The following FAM107A variants were observed in gnomAD, a reference collection of about 807,000 sequenced individuals.
FAM107A encodes the protein actin-associated protein FAM107A.
FAM107A carries 19 observed loss-of-function variants against 13.7 expected under a neutral mutation model. That is an observed-to-expected ratio of 1.38 (90% CI 0.97 to 2.03). FAM107A has a LOEUF of 2.03. Among genes scored for constraint, FAM107A ranks in the 30% most tolerant of loss-of-function variants. The probability of loss-of-function intolerance (pLI) is 0.00; values close to 1 mark genes in which losing one functional copy is unlikely to be tolerated. For missense variants in FAM107A, 203 were observed against 184.4 expected, an observed-to-expected ratio of 1.10 and a Z score of -0.58; for synonymous variants, 82 against 74.5, an observed-to-expected ratio of 1.10 and a Z score of -0.52.
exon 1 of FAM107A, chr3:58,586,959 A>G (rs1250189744): frequency 2.0e-6 from 3 of 1,515,524 alleles, no homozygotes; most frequent in Non-Finnish European, 2.6e-6. Context: ...CCTACTGCAG[A>G]GCCAGCACTG....
chr3:58,590,067 A>G (rs564267004), upstream of FAM107A, among the ~76,000 whole-genome samples: 9 of 152,320 alleles, frequency 5.9e-5, no homozygotes, highest in South Asian at 1.4e-3. Context: ...CTCTAAGCCA[A>G]CATTCCCCTA....
chr3:58,577,653 C>G, upstream of FAM107A: 1 of 985,322 alleles, frequency 1.0e-6, no homozygotes, highest in Non-Finnish European at 1.2e-6. The surrounding 1 kb of genome is among the most constrained non-coding windows in gnomAD (Gnocchi z 4.9). Flanking sequence ...AAGCTTTGTT[C>G]TGAGCAAGGC....
rs2065776427 is a variant in FAM107A, at chr3:58,604,385, C to A, written c.-69-15116G>T. On this transcript the variant is annotated intron_variant, in intron 1 of 3. Coordinates refer to the FAM107A transcript ENST00000465970. The surrounding 1 kb of genome is among the most constrained non-coding windows in gnomAD (Gnocchi z 4.1). ...AGCATGTCCTGGGCTGATAACAGGT[C>A]CTGTGCCAGACAGACTCAGAATTCT... Among the ~76,000 whole-genome samples the A allele has an allele frequency of 6.6e-6, 1 of 152,060 alleles. No homozygotes were observed. The highest frequency in any genetic ancestry group is 1.5e-5 in the Non-Finnish European group (1 of 68,008).
intron 1 of FAM107A, among the ~76,000 whole-genome samples, chr3:58,571,727 G>A (rs754105108): frequency 7.2e-5 from 11 of 152,052 alleles, no homozygotes; most frequent in South Asian, 2.1e-4. Flanking sequence ...GTCAAGTGTC[G>A]CCCATCCTTT....
intron 1 of FAM107A, among the ~76,000 whole-genome samples, chr3:58,611,363 A>G (rs2065852344): frequency 6.6e-6 from 1 of 152,194 alleles, no homozygotes; most frequent in African/African-American, 2.4e-5. Flanking sequence ...CTGTATTCCC[A>G]GAGAGGGTGT....
chr3:58,603,334 T>G (rs1480844854), intron 1 of FAM107A, among the ~76,000 whole-genome samples: 1 of 152,206 alleles, frequency 6.6e-6, no homozygotes, highest in Non-Finnish European at 1.5e-5. Flanking sequence ...AGGCATTGGC[T>G]GAGTCCTTCA....
intron 1 of FAM107A, among the ~76,000 whole-genome samples, chr3:58,626,359 C>A (rs1422339947): frequency 3.3e-5 from 5 of 152,282 alleles, no homozygotes; most frequent in South Asian, 2.1e-4. Flanking sequence ...GTCTACAAAC[C>A]CCCAGCTGAG....
chr3:58,570,318 A>G, intron 1 of FAM107A: 1 of 909,636 alleles, frequency 1.1e-6, no homozygotes, highest in Non-Finnish European at 1.3e-6. Flanking sequence ...ATAAAAAGAA[A>G]GTATTACCCT....
rs2065774594 is a variant in FAM107A at position 58,604,179 on chromosome 3, G to T, written c.-69-14910C>A. On this transcript the variant is annotated intron_variant, in intron 1 of 3. Coordinates refer to the FAM107A transcript ENST00000465970. The surrounding 1 kb of genome is among the most constrained non-coding windows in gnomAD (Gnocchi z 4.1). Reference sequence around the variant, plus strand: ...AAGGTCCCTGAAGATTGTACTCTCGGTGGAGCTGGTTGCTAGGAGACATTT... The same window carrying T: ...AAGGTCCCTGAAGATTGTACTCTCGTTGGAGCTGGTTGCTAGGAGACATTT... 6.6e-6 allele frequency among the ~76,000 whole-genome samples: 1 copy of T among 150,922 alleles called. No individual in the cohort carries two copies.
chr3:58,573,258 G>T (rs1244562385), intron 1 of FAM107A, among the ~76,000 whole-genome samples: 2 of 152,334 alleles, frequency 1.3e-5, no homozygotes, highest in East Asian at 1.9e-4. Context: ...GAGGGGTGGG[G>T]TGAGGAGGGT....
At chr3:58,585,383 C>A (rs1042464982) in intron 1 of FAM107A, among the ~76,000 whole-genome samples, 2 of 152,252 alleles carry the variant, frequency 1.3e-5, no homozygotes, top group African/African-American at 4.8e-5. Flanking sequence ...AGATTTCAGA[C>A]CCTCCTTTAG....
Position 58,567,232 on chromosome 3 carries a change from C to T in FAM107A, c.303G>A (p.Leu101=), listed in dbSNP as rs1226067460. ...RLQCPFEQEL[L]RRQQRLNQLE... is the part of the protein sequence containing the mutation. ...CCTGGTTCAGCCTCTGCTGCCGTCT[C>T]AGCAGCTCCTGCTCAAAGGGGCACT... The change falls in exon 3 of 4, where the codon CTG becomes CTA. Residue 101 remains leucine, a synonymous_variant. Transcript: ENST00000360997. 1.9e-6 allele frequency: 3 copies of T among 1,614,082 alleles called. No individual in the cohort carries two copies. The highest frequency in any genetic ancestry group is 2.7e-5 in the African/African-American group (2 of 74,932).
chr3:58,587,406 T>C (rs2065619409), upstream of FAM107A, among the ~76,000 whole-genome samples: 1 of 152,038 alleles, frequency 6.6e-6, no homozygotes, highest in Non-Finnish European at 1.5e-5. Context: ...GAAACTCAGT[T>C]TCCTCATCTG....
At chr3:58,603,204 CT>C (rs2065766567) in intron 1 of FAM107A, among the ~76,000 whole-genome samples, 2 of 152,178 alleles carry the variant, frequency 1.3e-5, no homozygotes, top group African/African-American at 4.8e-5. Flanking sequence ...CATACCAACA[CT>C]GTCCCCTGCG....
chr3:58,585,539 C>CG (rs368887307), intron 1 of FAM107A, among the ~76,000 whole-genome samples: 526 of 152,350 alleles, frequency 3.5e-3, no homozygotes, highest in Non-Finnish European at 5.8e-3. Context: ...GCGCGGGGCG[C>CG]GGGGACAGGC....
chr3:58,588,396 C>A (rs1416392379), upstream of FAM107A, among the ~76,000 whole-genome samples: 1 of 152,238 alleles, frequency 6.6e-6, no homozygotes, highest in Non-Finnish European at 1.5e-5. Flanking sequence ...CTGCCCAGAT[C>A]CAGCTTCTGC....
chr3:58,570,583 C>CAGAGAGAGAGAGAGAGAGAGAGAGAG (rs371909507), intron 1 of FAM107A, among the ~76,000 whole-genome samples: 3 of 91,042 alleles, frequency 3.3e-5, no homozygotes, highest in Non-Finnish European at 6.9e-5. Flanking sequence ...GCAAATACAG[C>CAGAGAGAGAGAGAGAGAGAGAGAGAG]AGAGAGAGAG....
At chr3:58,586,436 A>G (rs1210877026) in intron 1 of FAM107A, among the ~76,000 whole-genome samples, 2 of 152,232 alleles carry the variant, frequency 1.3e-5, no homozygotes, top group African/African-American at 2.4e-5. Flanking sequence ...GGAAGAAAAA[A>G]AAAGTAATTA....
Position 58,621,416 on chromosome 3 carries a change from T to A in FAM107A, c.-70+6000A>T, listed in dbSNP as rs572194672. Among the ~76,000 whole-genome samples, 15 of 152,318 alleles carry A rather than the reference T, an allele frequency of 9.8e-5. No homozygotes were observed. The South Asian group carries it at 2.1e-3, about 21-fold the overall frequency. The stretch of plus-strand genomic sequence containing the variant: ...CTCTGCTGTTGCTGTCTTGAGATTC[T>A]TAATGATTTTTGAACAAGGGACCCC... On this transcript the variant is annotated intron_variant, in intron 1 of 3. Transcript: ENST00000465970.
Sources: allele counts gnomAD v4.1 joint callset (sites outside exome capture counted in the v4.1 genomes callset), GRCh38; gene constraint gnomAD v4.1.1; non-coding constraint Gnocchi (gnomAD v3.1); transcripts MANE v1.5; gene names NCBI Gene and HGNC (gene_info 2026-07-23, HGNC 2026-07-21).